Variants in FRY observed in about 807,000 individuals in gnomAD.
The protein encoded by FRY is protein furry homolog.
FRY carries 128 observed loss-of-function variants against 348.4 expected under a neutral mutation model. The ratio of observed to expected loss-of-function variants is 0.37; its 90% CI spans 0.32 to 0.43. The LOEUF is 0.43. Ranked by LOEUF, FRY falls within the 20% of genes least tolerant of loss-of-function variation. FRY has a pLI of 1.00. For missense variants in FRY, 2,736 were observed against 3,695.2 expected (o/e 0.74, Z 6.73); for synonymous variants, 1,370 against 1,374.7 (o/e 1.00, Z 0.08).
intron 58 of FRY, among the ~76,000 whole-genome samples, chr13:32,285,369 A>T (rs1593851461): frequency 6.6e-6 from 1 of 152,190 alleles, no homozygotes; most frequent in African/African-American, 2.4e-5. Context: ...AGATTCTGAG[A>T]TAATAAATAT....
chr13:32,262,522 TA>T (rs547207428), intron 53 of FRY, 47 bp downstream of exon 53: 161 of 1,425,764 alleles, frequency 1.1e-4, no homozygotes, highest in Non-Finnish European at 1.3e-4. Context: ...TTAAAACCCT[TA>T]AAAAAAAACA....
At chr13:32,184,519 C>A in intron 24 of FRY, 81 bp from the exon 25 acceptor site, 1 of 850,248 alleles carries the variant, frequency 1.2e-6, no homozygotes, top group Non-Finnish European at 2.0e-6. Flanking sequence ...TAGATTATGC[C>A]TTTTGTTAAT....
intron 4 of FRY, among the ~76,000 whole-genome samples, chr13:32,119,098 A>G (rs143250839): frequency 6.6e-6 from 1 of 152,350 alleles, no homozygotes; most frequent in African/African-American, 2.4e-5. Context: ...CTGAGATCAG[A>G]TAAAGAATCA....
At chr13:32,125,867 C>T (rs953113661) in intron 7 of FRY, among the ~76,000 whole-genome samples, 3 of 151,966 alleles carry the variant, frequency 2.0e-5, no homozygotes, top group African/African-American at 7.3e-5. Flanking sequence ...ACGGGAACTT[C>T]CAGAGGATGA....
intron 29 of FRY, among the ~76,000 whole-genome samples, chr13:32,197,442 T>C (rs2138309968): frequency 6.6e-6 from 1 of 152,304 alleles, no homozygotes; most frequent in East Asian, 1.9e-4. Context: ...ATGTGAGCCA[T>C]CCATCTGGAG....
In FRY at chr13:32,185,063, T is replaced by C. The variant is rs1438801058; in HGVS notation, c.3234T>C (p.Ala1078=). ...ACTTGACCCGCATGCTCCTAGAAGC[T>C]GAAAATGACAAAGAAGTTGAAATTC... is the stretch of plus-strand genomic sequence containing the variant. ...YVDLTRMLLE[A]ENDKEVEILK... Residue 1078 remains alanine (A), a synonymous_variant, in exon 26 of 61, where the codon GCT becomes GCC. Coordinates refer to ENST00000542859, the MANE Select transcript of FRY (RefSeq NM_023037.3). 1 of 1,613,946 alleles carries C rather than the reference T, an allele frequency of 6.2e-7. No individual in the cohort carries two copies. Among genetic ancestry groups the C allele is most frequent in the Non-Finnish European group, 8.5e-7 (1 of 1,179,796 alleles).
chr13:32,197,483 G>C (rs1279212426), intron 29 of FRY, among the ~76,000 whole-genome samples: 1 of 152,124 alleles, frequency 6.6e-6, no homozygotes. Flanking sequence ...GGGAATCTGG[G>C]CTCCAGAAAC....
intron 51 of FRY, among the ~76,000 whole-genome samples, chr13:32,259,987 G>T (rs75813395): frequency 6.6e-6 from 1 of 152,110 alleles, no homozygotes. Context: ...ATGTGAGGAT[G>T]AATAATGATG....
At chr13:32,265,105 A>G (rs1732406199) in intron 53 of FRY, among the ~76,000 whole-genome samples, 1 of 152,172 alleles carries the variant, frequency 6.6e-6, no homozygotes, top group Admixed American at 6.5e-5. Context: ...CACGTGGAGC[A>G]TTGTTTCCTT....
At chr13:32,044,315 G>T (rs1213695840) in intron 1 of FRY, among the ~76,000 whole-genome samples, 1 of 152,066 alleles carries the variant, frequency 6.6e-6, no homozygotes, top group Non-Finnish European at 1.5e-5. Flanking sequence ...CTATTAATTT[G>T]AAAGGGCTTT....
intron 16 of FRY, among the ~76,000 whole-genome samples, chr13:32,159,849 G>A (rs562693090): frequency 2.0e-5 from 3 of 152,322 alleles, no homozygotes; most frequent in South Asian, 2.1e-4. Context: ...TACAGCTATT[G>A]AGGATATCTG....
chr13:32,070,074 T>C (rs138034597), intron 1 of FRY, among the ~76,000 whole-genome samples: 3,340 of 152,356 alleles, frequency 0.022, 90 homozygotes, highest in East Asian at 0.11. Context: ...TAGTATTCCA[T>C]GGTGTATATG....
At chr13:32,162,386 C>T (rs1881500118) in intron 17 of FRY, among the ~76,000 whole-genome samples, 1 of 152,158 alleles carries the variant, frequency 6.6e-6, no homozygotes, top group African/African-American at 2.4e-5. Context: ...ACTTCCACCC[C>T]ACATGGCTGC....
rs1305690374 is a variant in FRY, at chr13:32,298,617, G to A, written c.*3157G>A. ...TGATTAGTGCCATGAAGAACAAAACGGATACAGTGAGTAATGTGGACAGGG... is the reference window on the plus strand; with the variant it reads ...TGATTAGTGCCATGAAGAACAAAACAGATACAGTGAGTAATGTGGACAGGG... On this transcript the variant is annotated 3_prime_UTR_variant, in exon 61 of 61. Transcript: ENST00000542859. The A allele has an allele frequency of 2.0e-5, 3 of 152,200 alleles. No individual in the cohort carries two copies. The highest frequency in any genetic ancestry group is 4.8e-5 in the African/African-American group (2 of 41,440). The allele number at this position is 152,200 out of a possible 1,614,324, so 9.4% of individuals were successfully genotyped here.
chr13:32,188,135 C>T (rs1272586900), intron 28 of FRY, among the ~76,000 whole-genome samples: 1 of 151,998 alleles, frequency 6.6e-6, no homozygotes, highest in Non-Finnish European at 1.5e-5. Context: ...TACAAGAGGA[C>T]TTCAAAAAGT....
intron 1 of FRY, among the ~76,000 whole-genome samples, chr13:32,055,983 G>A (rs1442021038): frequency 6.6e-6 from 1 of 152,092 alleles, no homozygotes; most frequent in Non-Finnish European, 1.5e-5. Context: ...ACGAGGTCAG[G>A]AGATTGAGAC....
At chr13:32,227,589 G>T (rs529278287) in intron 39 of FRY, among the ~76,000 whole-genome samples, 17 of 152,138 alleles carry the variant, frequency 1.1e-4, no homozygotes, top group African/African-American at 3.9e-4. Context: ...AACAGTATTT[G>T]CTTATGCCAT....
chr13:32,136,383 G>T (rs7331540), intron 10 of FRY, among the ~76,000 whole-genome samples: 9 of 151,870 alleles, frequency 5.9e-5, no homozygotes, highest in Non-Finnish European at 1.3e-4. Context: ...ACTTCTTTTA[G>T]GAATCTTCCT....
At chr13:32,171,531 C>T (rs991884988) in intron 18 of FRY, among the ~76,000 whole-genome samples, 6 of 151,790 alleles carry the variant, frequency 4.0e-5, no homozygotes, top group Non-Finnish European at 7.4e-5. Context: ...AGGCTGGTCT[C>T]GAACTCCCAA....
Sources: allele counts gnomAD v4.1 joint callset (sites outside exome capture counted in the v4.1 genomes callset), GRCh38; gene constraint gnomAD v4.1.1; transcripts MANE v1.5; gene names NCBI Gene and HGNC (gene_info 2026-07-23, HGNC 2026-07-21).